The following ANO1 variants were observed in gnomAD, a reference collection of about 807,000 sequenced individuals.
ANO1 encodes anoctamin-1.
In ANO1, 59 loss-of-function variants were observed where a neutral mutation model predicts 124.0. The ratio of observed to expected loss-of-function variants is 0.48; its 90% CI spans 0.39 to 0.59. The LOEUF (loss-of-function observed/expected upper bound fraction) is 0.59, where lower values mean the gene tolerates loss of function less well. Ranked by LOEUF, ANO1 falls within the 20% of genes least tolerant of loss-of-function variation. The pLI is 0.00. For missense variants in ANO1, 1,059 were observed against 1,328.0 expected (o/e 0.80, Z 3.15); for synonymous variants, 529 against 532.0 (o/e 0.99, Z 0.08).
intron 1 of ANO1, among the ~76,000 whole-genome samples, chr11:70,029,620 T>C (rs1226522593): frequency 5.3e-5 from 8 of 152,264 alleles, no homozygotes; most frequent in Non-Finnish European, 1.0e-4. Context: ...CCAGGTGCTC[T>C]GGAGGGACAG....
chr11:70,095,191 A>G (rs1352460353), intron 2 of ANO1, among the ~76,000 whole-genome samples: 1 of 142,130 alleles, frequency 7.0e-6, no homozygotes, highest in East Asian at 2.0e-4. Flanking sequence ...GGTTGACAAA[A>G]TGAGACTGTC....
chr11:70,079,069 G>A (rs1431145365), intron 1 of ANO1, among the ~76,000 whole-genome samples: 1 of 152,150 alleles, frequency 6.6e-6, no homozygotes, highest in Non-Finnish European at 1.5e-5. Context: ...GCCCTGGATG[G>A]GACCTTCCCT....
At chr11:70,067,325 T>G (rs74875412) in intron 1 of ANO1, among the ~76,000 whole-genome samples, 58,697 of 110,858 alleles carry the variant, frequency 0.53, 12,916 homozygotes, top group African/African-American at 0.55. Flanking sequence ...TCGTGGGTGT[T>G]TTTTTTTTTT....
At chr11:70,000,059 C>G (rs182913001) in intron 1 of ANO1, among the ~76,000 whole-genome samples, 1 of 152,330 alleles carries the variant, frequency 6.6e-6, no homozygotes, top group Non-Finnish European at 1.5e-5. Flanking sequence ...AAGGAACTTA[C>G]AGAGGACTCC....
At chr11:70,079,960 AG>A (rs1382252121) in intron 1 of ANO1, among the ~76,000 whole-genome samples, 1 of 145,750 alleles carries the variant, frequency 6.9e-6, no homozygotes, top group Non-Finnish European at 1.5e-5. Context: ...GTAGATGGAG[AG>A]GGAGTCTACC....
chr11:70,084,086 G>A (rs2044283120), intron 1 of ANO1, among the ~76,000 whole-genome samples: 1 of 152,232 alleles, frequency 6.6e-6, no homozygotes, highest in African/African-American at 2.4e-5. Context: ...GGGGAGAGGA[G>A]ACTGGGGAAG....
chr11:70,028,218 A>G (rs1318555735), intron 1 of ANO1, among the ~76,000 whole-genome samples: 7 of 152,230 alleles, frequency 4.6e-5, no homozygotes, highest in African/African-American at 1.4e-4. Context: ...GTTGATAATT[A>G]GCAGGCAGTG....
At chr11:70,007,058 A>G (rs182476765) in intron 1 of ANO1, among the ~76,000 whole-genome samples, 3 of 152,192 alleles carry the variant, frequency 2.0e-5, no homozygotes, top group Admixed American at 6.5e-5. Context: ...TGCTGTGCAT[A>G]CTGAAACTCT....
chr11:70,110,445 C>T (rs1204015165), intron 6 of ANO1, among the ~76,000 whole-genome samples: 24 of 152,162 alleles, frequency 1.6e-4, no homozygotes, highest in Admixed American at 1.5e-3. Context: ...CTCAACCCCC[C>T]AAAGTGCTGG....
chr11:70,163,469 G>A (rs2048133277), intron 19 of ANO1, 129 bp downstream of exon 19: 7 of 1,202,988 alleles, frequency 5.8e-6, no homozygotes, highest in Non-Finnish European at 8.4e-6. Flanking sequence ...TTTCCTTCTT[G>A]CTGGAAACTT....
At chr11:70,095,803 G>A (rs948127209) in intron 2 of ANO1, among the ~76,000 whole-genome samples, 2 of 152,212 alleles carry the variant, frequency 1.3e-5, no homozygotes, top group African/African-American at 4.8e-5. Context: ...AGCCCCATGT[G>A]CCTTCTTGTC....
At chr11:70,025,621 T>C (rs1856882312) in intron 1 of ANO1, among the ~76,000 whole-genome samples, 1 of 151,838 alleles carries the variant, frequency 6.6e-6, no homozygotes, top group Non-Finnish European at 1.5e-5. Context: ...ATGGTGGTGA[T>C]GATGGTGTTG....
At chr11:70,087,367 T>C (rs1329955162) in intron 1 of ANO1, among the ~76,000 whole-genome samples, 1 of 152,234 alleles carries the variant, frequency 6.6e-6, no homozygotes, top group African/African-American at 2.4e-5. Context: ...TACTAGGTCT[T>C]ATTCTTTCTC....
At chr11:70,152,334 CAAA>C (rs56895585) in intron 12 of ANO1, 113 bp from the exon 13 acceptor site, 5,938 of 427,110 alleles carry the variant, frequency 0.014, no homozygotes, top group East Asian at 0.02. Flanking sequence ...GACTCCATCT[CAAA>C]AAAAAAAAAA....
At chr11:69,998,869 AC>A (rs781798271) in intron 1 of ANO1, among the ~76,000 whole-genome samples, 2 of 151,816 alleles carry the variant, frequency 1.3e-5, no homozygotes, top group Admixed American at 6.6e-5. Flanking sequence ...ACTCGCTTGA[AC>A]CCAGGAGGTG....
intron 16 of ANO1, among the ~76,000 whole-genome samples, chr11:70,160,637 G>T (rs548440150): frequency 7.2e-5 from 11 of 152,298 alleles, no homozygotes; most frequent in Non-Finnish European, 1.6e-4. Context: ...TTTACCAGGG[G>T]AGTCCCTGGG....
chr11:70,038,622 C>A (rs1363090475), intron 1 of ANO1, among the ~76,000 whole-genome samples: 1 of 152,172 alleles, frequency 6.6e-6, no homozygotes, highest in Non-Finnish European at 1.5e-5. Flanking sequence ...CCTTGGTCCT[C>A]TCTTGTGGGG....
chr11:70,161,827 G>A, intron 18 of ANO1, 94 bp downstream of exon 18: 1 of 1,268,582 alleles, frequency 7.9e-7, no homozygotes, highest in African/African-American at 1.5e-5. Context: ...TGGAGCCCAG[G>A]GCAGGGCAGA....
chr11:70,017,263 C>T (rs565332132), intron 1 of ANO1, among the ~76,000 whole-genome samples: 38 of 152,262 alleles, frequency 2.5e-4, no homozygotes, highest in African/African-American at 8.9e-4. Context: ...TTTCCCCTAC[C>T]CCAACGGAAC....
Sources: allele counts gnomAD v4.1 joint callset (sites outside exome capture counted in the v4.1 genomes callset), GRCh38; gene constraint gnomAD v4.1.1; transcripts MANE v1.5; gene names NCBI Gene and HGNC (gene_info 2026-07-23, HGNC 2026-07-21).